GRM1: variants seen among roughly 807,000 people sequenced by gnomAD.
GRM1 encodes glutamate metabotropic receptor 1.
In GRM1, 33 loss-of-function variants were observed where a neutral mutation model predicts 90.9. The observed-to-expected ratio is 0.36, with a 90% CI of 0.28 to 0.49. The LOEUF (loss-of-function observed/expected upper bound fraction) is 0.49, where lower values mean the gene tolerates loss of function less well. Among genes scored for constraint, GRM1 ranks in the 20% least tolerant of loss-of-function variants. The pLI is 0.99. For missense variants in GRM1, 1,190 were observed against 1,534.3 expected (o/e 0.78, Z 3.75); for synonymous variants, 700 against 613.2 (o/e 1.14, Z -2.09).
At chr6:146,099,769 T>A (rs1238366748) in intron 1 of GRM1, among the ~76,000 whole-genome samples, 2 of 152,234 alleles carry the variant, frequency 1.3e-5, no homozygotes, top group Middle Eastern at 3.2e-3. Flanking sequence ...GTCCTTTAAA[T>A]GAATATACCA....
intron 7 of GRM1, among the ~76,000 whole-genome samples, chr6:146,407,836 T>C (rs1269963862): frequency 6.6e-6 from 1 of 152,178 alleles, no homozygotes; most frequent in Non-Finnish European, 1.5e-5. Flanking sequence ...TAATAAGAGA[T>C]AGAGCCCATT....
At chr6:146,223,024 T>C (rs1315012599) in intron 2 of GRM1, among the ~76,000 whole-genome samples, 10 of 151,996 alleles carry the variant, frequency 6.6e-5, no homozygotes. Flanking sequence ...TCTAGTAATG[T>C]AGAAAGCCCA....
chr6:146,072,346 T>C (rs1776043770), intron 1 of GRM1, among the ~76,000 whole-genome samples: 2 of 152,048 alleles, frequency 1.3e-5, no homozygotes, highest in African/African-American at 4.8e-5. Context: ...ATCTGTACAG[T>C]GATGTTGTGA....
intron 1 of GRM1, among the ~76,000 whole-genome samples, chr6:146,092,236 T>C (rs529151921): frequency 5.9e-5 from 9 of 152,032 alleles, no homozygotes; most frequent in Non-Finnish European, 1.0e-4. Context: ...TACCCTTACA[T>C]GACCAGAGAG....
chr6:146,272,850 A>G (rs1286556554), intron 2 of GRM1, among the ~76,000 whole-genome samples: 1 of 152,172 alleles, frequency 6.6e-6, no homozygotes, highest in Admixed American at 6.5e-5. Flanking sequence ...CATGAATGGA[A>G]TCCTGGGAGT....
rs576152285 is a variant in GRM1, at chr6:146,289,357, C to T, written c.951-15254C>T. 7.9e-5 allele frequency among the ~76,000 whole-genome samples: 12 copies of T among 151,556 alleles called. No homozygotes were observed. The South Asian group carries it at 8.4e-4, about 11-fold the overall frequency. On this transcript the variant is annotated intron_variant, in intron 2 of 7. Transcript: ENST00000282753. ...AAAGATTAAAAAGTTTAAAAAGTGA[C>T]GTAATTAGAAAAACGTCTATGGAAT...
chr6:146,247,804 G>GTGTA (rs1051603879), intron 2 of GRM1, among the ~76,000 whole-genome samples: 4 of 118,880 alleles, frequency 3.4e-5, no homozygotes, highest in Admixed American at 2.5e-4. Context: ...GTGTGTGTGT[G>GTGTA]TATATATATA....
chr6:146,343,814 C>A (rs1173393348), intron 3 of GRM1, among the ~76,000 whole-genome samples: 1 of 152,026 alleles, frequency 6.6e-6, no homozygotes, highest in Non-Finnish European at 1.5e-5. Flanking sequence ...CTTTCTGGCA[C>A]TACCAAGTGC....
chr6:146,373,208 T>G (rs1449143428), intron 5 of GRM1, among the ~76,000 whole-genome samples: 1 of 152,114 alleles, frequency 6.6e-6, no homozygotes, highest in Non-Finnish European at 1.5e-5. Context: ...GGTATTTAAT[T>G]TTATGTGTGT....
At chr6:146,218,033 A>G (rs1330265630) in intron 2 of GRM1, among the ~76,000 whole-genome samples, 1 of 152,192 alleles carries the variant, frequency 6.6e-6, no homozygotes, top group African/African-American at 2.4e-5. Flanking sequence ...TACCATTGTC[A>G]TCTCCATTTT....
chr6:146,112,538 A>G (rs1461547368), intron 1 of GRM1, among the ~76,000 whole-genome samples: 4 of 152,170 alleles, frequency 2.6e-5, no homozygotes, highest in African/African-American at 4.8e-5. Context: ...CTGACAGAAT[A>G]GAGATCAAGA....
chr6:146,401,922 CTGAG>C (rs1198857126), intron 7 of GRM1, among the ~76,000 whole-genome samples: 1 of 152,174 alleles, frequency 6.6e-6, no homozygotes, highest in Non-Finnish European at 1.5e-5. Context: ...ATTAACAATG[CTGAG>C]TATTTCTCTC....
intron 2 of GRM1, among the ~76,000 whole-genome samples, chr6:146,203,664 A>G (rs933238485): frequency 6.6e-6 from 1 of 152,202 alleles, no homozygotes; most frequent in Non-Finnish European, 1.5e-5. Flanking sequence ...GATGGCACCC[A>G]AGATAATCAG....
Position 146,410,140 on chromosome 6 carries a change from G to T in GRM1, c.2660+10441G>T, listed in dbSNP as rs187426438. ...TACATTAAAAGAAATTATGATAGTG[G>T]AGTTGGAGTAGGGATGAGGGAGAAC... On this transcript the variant is annotated intron_variant, in intron 7 of 7. Transcript: ENST00000282753. 1.7e-3 allele frequency among the ~76,000 whole-genome samples: 254 copies of T among 152,310 alleles called. 1 individual carries two copies. Among genetic ancestry groups the T allele is most frequent in the African/African-American group, 5.9e-3 (245 of 41,564 alleles).
intron 1 of GRM1, among the ~76,000 whole-genome samples, chr6:146,030,450 CA>C (rs1287557692): frequency 6.6e-6 from 1 of 152,156 alleles, no homozygotes; most frequent in East Asian, 1.9e-4. Context: ...GAAAGGGTAT[CA>C]AACTTTCCAT....
chr6:146,308,392 G>T (rs1783654315), intron 3 of GRM1, among the ~76,000 whole-genome samples: 1 of 152,126 alleles, frequency 6.6e-6, no homozygotes, highest in African/African-American at 2.4e-5. Flanking sequence ...TTTGCAAACT[G>T]AAAATACTTA....
chr6:146,207,887 A>C (rs1779547425), intron 2 of GRM1, among the ~76,000 whole-genome samples: 1 of 152,138 alleles, frequency 6.6e-6, no homozygotes, highest in Admixed American at 6.5e-5. Context: ...GTTGTTGTAA[A>C]AGTCGCACCT....
chr6:146,327,055 A>G (rs1784421595), intron 3 of GRM1, among the ~76,000 whole-genome samples: 1 of 152,212 alleles, frequency 6.6e-6, no homozygotes, highest in Non-Finnish European at 1.5e-5. Context: ...GTAATATGTA[A>G]CATTAGTATG....
intron 7 of GRM1, among the ~76,000 whole-genome samples, chr6:146,422,025 G>T (rs1778013376): frequency 6.6e-6 from 1 of 152,154 alleles, no homozygotes. Flanking sequence ...ATGGTCTTGA[G>T]TGGTGGCTGT....
Sources: allele counts gnomAD v4.1 joint callset (sites outside exome capture counted in the v4.1 genomes callset), GRCh38; gene constraint gnomAD v4.1.1; transcripts MANE v1.5; gene names NCBI Gene and HGNC (gene_info 2026-07-23, HGNC 2026-07-21).